ZBTB46: variants seen among roughly 807,000 people sequenced by gnomAD.
The protein encoded by ZBTB46 is zinc finger and BTB domain containing 46.
A neutral mutation model predicts 44.1 loss-of-function variants in ZBTB46; 8 were observed. The ratio of observed to expected loss-of-function variants is 0.18; its 90% CI spans 0.11 to 0.33. The LOEUF is 0.33. ZBTB46 is among the 10% of genes least tolerant of loss of function. The pLI is 1.00. For synonymous variants in ZBTB46, 409 were observed against 382.3 expected, an observed-to-expected ratio of 1.07 and a Z score of -0.81; for missense variants, 651 against 847.7, an observed-to-expected ratio of 0.77 and a Z score of 2.88.
Position 63,747,408 on chromosome 20 carries a change from A to T in ZBTB46, c.1399-107T>A, listed in dbSNP as rs13044136. 86 of 137,784 alleles carry T rather than the reference A, an allele frequency of 6.2e-4. 5 individuals carry two copies. Among genetic ancestry groups the T allele is most frequent in the East Asian group, 8.5e-3 (2 of 234 alleles). 8.5% of individuals were successfully genotyped at this position (137,784 alleles called of 1,614,324 possible). A position where few individuals can be genotyped will look rare whatever the true frequency, so the allele number is the denominator to read the frequency against. On this transcript the variant is annotated intron_variant, in intron 4 of 4. Coordinates refer to ENST00000245663, the MANE Select transcript of ZBTB46 (RefSeq NM_001369741.1). ...GGGGGGGCAGGTGGTGAGCAGGGCC[A>T]GGTGGAGGTTGGAAGAGGGGGCAGG...
At chr20:63,748,569 AAGGACCGAGAGGGCAGGACCCACAG>A (rs2092128332) in intron 4 of ZBTB46, among the ~76,000 whole-genome samples, 1 of 152,152 alleles carries the variant, frequency 6.6e-6, no homozygotes, top group Non-Finnish European at 1.5e-5. Flanking sequence ...TCTGCCCTCC[AAGGACCGAGAGGGCAGGACCCACAG>A]AGGACCCCAA....
intron 2 of ZBTB46, among the ~76,000 whole-genome samples, chr20:63,789,334 T>C (rs1375210176): frequency 6.6e-6 from 1 of 152,084 alleles, no homozygotes; most frequent in Non-Finnish European, 1.5e-5. Context: ...ACATTCACTA[T>C]AGCAACAGTG....
chr20:63,821,108 G>C (rs1250015963), intron 1 of ZBTB46, among the ~76,000 whole-genome samples: 2 of 151,302 alleles, frequency 1.3e-5, no homozygotes, highest in Non-Finnish European at 2.9e-5. Flanking sequence ...GGCCAAGATG[G>C]TCTCAATCTC....
intron 1 of ZBTB46, among the ~76,000 whole-genome samples, chr20:63,817,908 C>T (rs2092769243): frequency 6.6e-6 from 1 of 152,078 alleles, no homozygotes; most frequent in African/African-American, 2.4e-5. Flanking sequence ...GGAAGAGTGG[C>T]CCCGTCCACC....
intron 1 of ZBTB46, among the ~76,000 whole-genome samples, chr20:63,797,529 G>A (rs1378537609): frequency 6.6e-6 from 1 of 152,134 alleles, no homozygotes; most frequent in Non-Finnish European, 1.5e-5. Context: ...GTAATGGGAT[G>A]GCTGGGTCAA....
At chr20:63,828,617 T>C (rs999070612) in intron 1 of ZBTB46, among the ~76,000 whole-genome samples, 1 of 151,530 alleles carries the variant, frequency 6.6e-6, no homozygotes, top group African/African-American at 2.4e-5. Flanking sequence ...GCAGCCTGAG[T>C]TTTTACAAGA....
chr20:63,774,804 C>T (rs982361043), intron 3 of ZBTB46, among the ~76,000 whole-genome samples: 1 of 97,974 alleles, frequency 1.0e-5, no homozygotes, highest in African/African-American at 3.5e-5. Context: ...GCCGGGTTCA[C>T]GCCATTCTCC....
At chr20:63,751,173 C>T (rs1485931549) in intron 4 of ZBTB46, among the ~76,000 whole-genome samples, 1 of 142,924 alleles carries the variant, frequency 7.0e-6, no homozygotes, top group Non-Finnish European at 1.5e-5. Context: ...AAGATCAGCC[C>T]TGTGGCCTGT....
chr20:63,805,824 C>T (rs1426055486), intron 1 of ZBTB46, among the ~76,000 whole-genome samples: 2 of 151,720 alleles, frequency 1.3e-5, no homozygotes, highest in Non-Finnish European at 1.5e-5. Flanking sequence ...GGCACGATCT[C>T]GGCTCACTGA....
intron 1 of ZBTB46, among the ~76,000 whole-genome samples, chr20:63,817,466 G>A (rs1385310124): frequency 6.6e-6 from 1 of 151,830 alleles, no homozygotes; most frequent in African/African-American, 2.4e-5. Context: ...TGTAATCCCA[G>A]CTCTTCAGGA....
At chr20:63,769,256 T>C in intron 3 of ZBTB46, 3 of 985,376 alleles carry the variant, frequency 3.0e-6, no homozygotes, top group Non-Finnish European at 3.6e-6. Flanking sequence ...TTACCTGAGC[T>C]GGGGGAGGCT....
At chr20:63,758,658 G>A (rs182754119) in intron 3 of ZBTB46, among the ~76,000 whole-genome samples, 1 of 151,906 alleles carries the variant, frequency 6.6e-6, no homozygotes, top group Admixed American at 6.6e-5. Context: ...ACGCGCACGG[G>A]CACTCACACA....
In ZBTB46 at chr20:63,805,913, T is replaced by C. The variant is rs576281516; in HGVS notation, c.-33-15123A>G. Among the ~76,000 whole-genome samples the C allele has an allele frequency of 1.4e-4, 22 of 151,936 alleles. No individual in the cohort carries two copies. In the East Asian group the frequency reaches 4.4e-3, roughly 30 times the overall value. ...TCGGCCTCCCCAGTAGCTGGGATTA[T>C]AGGTGTGTGCCACCACACCCGGATA... On this transcript the variant is annotated intron_variant, in intron 1 of 4. Transcript: ENST00000245663.
chr20:63,787,088 G>A lies in ZBTB46; in HGVS notation c.937+2733C>T, dbSNP rs1396687290. On this transcript the variant is annotated intron_variant, in intron 2 of 4. Coordinates refer to ENST00000245663, the MANE Select transcript of ZBTB46 (RefSeq NM_001369741.1). The surrounding 1 kb of genome is among the most constrained non-coding windows in gnomAD (Gnocchi z 4.6). The stretch of plus-strand genomic sequence containing the variant: ...CCCGCAGGTGGGGTAGAGGCAAGAG[G>A]AAGGTACTGTATGACGGATACAGTT... Among the ~76,000 whole-genome samples the A allele has an allele frequency of 6.6e-6, 1 of 152,212 alleles. No homozygotes were observed. The highest frequency in any genetic ancestry group is 2.4e-5 in the African/African-American group (1 of 41,454).
chr20:63,797,438 T>C (rs554705754), intron 1 of ZBTB46, among the ~76,000 whole-genome samples: 158 of 152,304 alleles, frequency 1.0e-3, no homozygotes, highest in Admixed American at 1.9e-3. Flanking sequence ...GTCTTTACTA[T>C]CGTGAATAGT....
upstream of ZBTB46, among the ~76,000 whole-genome samples, chr20:63,832,355 G>T (rs985620473): frequency 2.0e-5 from 3 of 152,090 alleles, no homozygotes; most frequent in African/African-American, 7.2e-5. The surrounding 1 kb of genome is among the most constrained non-coding windows in gnomAD (Gnocchi z 5.0). Context: ...GCCTGTGGCC[G>T]GCAGCCGCGC....
At chr20:63,818,899 G>A (rs2092775602) in intron 1 of ZBTB46, among the ~76,000 whole-genome samples, 1 of 145,198 alleles carries the variant, frequency 6.9e-6, no homozygotes, top group Non-Finnish European at 1.5e-5. Context: ...AGAAGGCCAG[G>A]CGCAGTGGCT....
intron 1 of ZBTB46, among the ~76,000 whole-genome samples, chr20:63,812,437 T>A (rs112908877): frequency 2.0e-5 from 3 of 151,124 alleles, no homozygotes; most frequent in Non-Finnish European, 3.0e-5. Flanking sequence ...AGGTCAGGAG[T>A]TCGAGACCAG....
rs760775925 is a variant in ZBTB46 at position 63,790,596 on chromosome 20, G to A, written c.162C>T (p.Arg54=). ...CCTGGCAGTAGAGCGTCTTGAAGTA[G>A]CGGCTGCTGCCCAGCAGGACGTTCT... ...AHKNVLLGSS[R]YFKTLYCQVQ... The change falls in exon 2 of 5, where the codon CGC becomes CGT. Residue 54 remains arginine (R), a synonymous_variant. Coordinates refer to ENST00000245663, the MANE Select transcript of ZBTB46 (RefSeq NM_001369741.1). 4.3e-6 allele frequency: 7 copies of A among 1,612,492 alleles called. No homozygotes were observed. Among genetic ancestry groups the A allele is most frequent in the African/African-American group, 1.3e-5 (1 of 75,070 alleles).
Sources: allele counts gnomAD v4.1 joint callset (sites outside exome capture counted in the v4.1 genomes callset), GRCh38; gene constraint gnomAD v4.1.1; non-coding constraint Gnocchi (gnomAD v3.1); transcripts MANE v1.5; gene names NCBI Gene and HGNC (gene_info 2026-07-23, HGNC 2026-07-21).